Variants in CCSER1 observed in about 807,000 individuals in gnomAD.
The protein encoded by CCSER1 is coiled-coil serine rich protein 1, also known as serine-rich coiled-coil domain-containing protein 1.
A neutral mutation model predicts 82.0 loss-of-function variants in CCSER1; 41 were observed. That is an observed-to-expected ratio of 0.50 (90% confidence interval 0.39 to 0.65). The LOEUF is 0.65. CCSER1 is among the 30% of genes least tolerant of loss of function. The pLI, the probability that CCSER1 is intolerant of heterozygous loss-of-function variation, is 0.00. For missense variants in CCSER1, 1,119 were observed against 1,064.2 expected (o/e 1.05, Z -0.72); for synonymous variants, 414 against 383.9 (o/e 1.08, Z -0.92).
chr4:90,478,930 G>A (rs973517729), intron 5 of CCSER1, among the ~76,000 whole-genome samples: 5 of 151,656 alleles, frequency 3.3e-5, no homozygotes, highest in Non-Finnish European at 5.9e-5. Flanking sequence ...TAGTATAGAC[G>A]AGGTTTCACC....
intron 6 of CCSER1, among the ~76,000 whole-genome samples, chr4:90,643,936 A>T (rs1453775777): frequency 6.6e-6 from 1 of 152,064 alleles, no homozygotes; most frequent in African/African-American, 2.4e-5. Flanking sequence ...TTTAGTATTA[A>T]TTCTAAATTT....
At chr4:91,368,173 A>T (rs1749775662) in intron 10 of CCSER1, among the ~76,000 whole-genome samples, 1 of 152,052 alleles carries the variant, frequency 6.6e-6, no homozygotes, top group Non-Finnish European at 1.5e-5. Flanking sequence ...AGGATGTCAG[A>T]AGAGATAACT....
chr4:91,124,030 T>C (rs896117733), intron 10 of CCSER1, among the ~76,000 whole-genome samples: 4 of 151,794 alleles, frequency 2.6e-5, no homozygotes, highest in Non-Finnish European at 5.9e-5. Flanking sequence ...AGTTCAGTGA[T>C]AGAATTGCCT....
intron 4 of CCSER1, among the ~76,000 whole-genome samples, chr4:90,401,619 C>T (rs778091814): frequency 2.0e-5 from 3 of 152,132 alleles, no homozygotes; most frequent in Admixed American, 6.5e-5. Context: ...CCACAACTTC[C>T]GCCTCCTGGG....
At chr4:90,529,272 T>C (rs992409075) in intron 5 of CCSER1, among the ~76,000 whole-genome samples, 6 of 152,098 alleles carry the variant, frequency 3.9e-5, no homozygotes, top group African/African-American at 1.4e-4. Context: ...TGGAGTGCAG[T>C]GGGGAGATTT....
intron 10 of CCSER1, among the ~76,000 whole-genome samples, chr4:91,228,540 T>C (rs368382700): frequency 7.2e-5 from 11 of 152,154 alleles, no homozygotes; most frequent in African/African-American, 2.4e-4. Context: ...CTATTAGTGT[T>C]ATATTTCCAG....
chr4:90,306,421 T>C (rs1005441050), intron 1 of CCSER1, among the ~76,000 whole-genome samples: 6 of 152,168 alleles, frequency 3.9e-5, no homozygotes, highest in African/African-American at 1.2e-4. Context: ...TATAAAAATA[T>C]CAAAACATCA....
intron 10 of CCSER1, among the ~76,000 whole-genome samples, chr4:91,158,770 G>T (rs1270251823): frequency 6.6e-6 from 1 of 151,796 alleles, no homozygotes. Flanking sequence ...CCTCAAAGTG[G>T]AACAGTGACT....
intron 6 of CCSER1, among the ~76,000 whole-genome samples, chr4:90,650,161 G>A (rs1054627278): frequency 5.3e-5 from 8 of 152,064 alleles, no homozygotes; most frequent in African/African-American, 1.7e-4. Context: ...AGGTTGCAGT[G>A]AGCCGAGGTT....
At chr4:90,556,940 G>A (rs1321929184) in intron 5 of CCSER1, among the ~76,000 whole-genome samples, 1 of 151,240 alleles carries the variant, frequency 6.6e-6, no homozygotes, top group East Asian at 1.9e-4. Context: ...TTCTTTATTA[G>A]CAAACATAAA....
chr4:90,727,686 C>T (rs2149389537), intron 7 of CCSER1, among the ~76,000 whole-genome samples: 1 of 152,300 alleles, frequency 6.6e-6, no homozygotes, highest in East Asian at 1.9e-4. Context: ...TCAGTCCATT[C>T]CTGGAACTAA....
intron 6 of CCSER1, among the ~76,000 whole-genome samples, chr4:90,699,229 C>T (rs1023793604): frequency 1.3e-5 from 2 of 152,052 alleles, no homozygotes; most frequent in African/African-American, 4.8e-5. Context: ...TTCAGGAAGT[C>T]GAGGCAGGTG....
At chr4:91,322,906 A>G (rs959521744) in intron 10 of CCSER1, among the ~76,000 whole-genome samples, 2 of 152,182 alleles carry the variant, frequency 1.3e-5, no homozygotes, top group Non-Finnish European at 2.9e-5. Context: ...AGAAATAGAG[A>G]TAAAGATGTT....
intron 10 of CCSER1, among the ~76,000 whole-genome samples, chr4:91,253,131 A>G (rs1740388454): frequency 6.6e-6 from 1 of 152,112 alleles, no homozygotes; most frequent in Non-Finnish European, 1.5e-5. Context: ...TGAGACAGCA[A>G]GACCAACTGT....
chr4:90,815,113 C>A (rs1758826738), intron 7 of CCSER1, among the ~76,000 whole-genome samples: 2 of 152,126 alleles, frequency 1.3e-5, no homozygotes, highest in Admixed American at 1.3e-4. Flanking sequence ...AGGAAACTTA[C>A]AATCATGGTG....
intron 5 of CCSER1, among the ~76,000 whole-genome samples, chr4:90,490,294 G>A (rs976209912): frequency 1.4e-4 from 22 of 152,238 alleles, no homozygotes; most frequent in African/African-American, 5.3e-4. Context: ...ATTTTTTCAT[G>A]TGTCTTTTGG....
chr4:91,375,463 C>T (rs977404145), intron 10 of CCSER1, among the ~76,000 whole-genome samples: 2 of 150,908 alleles, frequency 1.3e-5, no homozygotes, highest in Non-Finnish European at 2.9e-5. Context: ...TTACACACTA[C>T]AGAGAAATTT....
intron 5 of CCSER1, among the ~76,000 whole-genome samples, chr4:90,618,057 C>A (rs1579507241): frequency 6.6e-6 from 1 of 151,902 alleles, no homozygotes; most frequent in African/African-American, 2.4e-5. Context: ...ACATATATCA[C>A]AAGTCCTTTT....
intron 3 of CCSER1, among the ~76,000 whole-genome samples, chr4:90,338,886 A>G (rs572583262): frequency 6.6e-6 from 1 of 152,298 alleles, no homozygotes; most frequent in African/African-American, 2.4e-5. Context: ...TTCATGCAAT[A>G]AAATAAGTAA....
Sources: gnomAD v4.1 joint callset for allele counts (sites outside exome capture counted in the v4.1 genomes callset) on GRCh38, gnomAD v4.1.1 for gene constraint, MANE v1.5 for transcripts, NCBI Gene and HGNC (gene_info 2026-07-23, HGNC 2026-07-21) for gene names.